DDAH1: variants seen among roughly 807,000 people sequenced by gnomAD.
The protein encoded by DDAH1 is dimethylarginine dimethylaminohydrolase 1.
Under a neutral mutation model 28.8 loss-of-function variants are expected in DDAH1, and 19 were observed. That is an observed-to-expected ratio of 0.66 (90% CI 0.46 to 0.97). The LOEUF is 0.97. Among genes scored for constraint, DDAH1 ranks in the 50% least tolerant of loss-of-function variants. DDAH1 has a pLI of 0.00. For synonymous variants in DDAH1, 153 were observed against 154.4 expected, an observed-to-expected ratio of 0.99 and a Z score of 0.07; for missense variants, 326 against 375.9, an observed-to-expected ratio of 0.87 and a Z score of 1.10.
intron 1 of DDAH1, among the ~76,000 whole-genome samples, chr1:85,362,439 T>C (rs1649844586): frequency 6.6e-6 from 1 of 152,186 alleles, no homozygotes; most frequent in African/African-American, 2.4e-5. Flanking sequence ...TCTTTCTCAA[T>C]GCCTGGTCTC....
chr1:85,546,139 A>C (rs1570663803), intron 1 of DDAH1, among the ~76,000 whole-genome samples: 1 of 152,110 alleles, frequency 6.6e-6, no homozygotes, highest in East Asian at 1.9e-4. Flanking sequence ...TCCAAAAAAA[A>C]AAAAACATGC....
intron 1 of DDAH1, among the ~76,000 whole-genome samples, chr1:85,431,420 C>T (rs1201530754): frequency 2.6e-5 from 4 of 152,170 alleles, no homozygotes; most frequent in Non-Finnish European, 5.9e-5. Flanking sequence ...AAACACTTCA[C>T]CTTCTTTGTC....
chr1:85,356,775 A>T (rs1392532235), intron 2 of DDAH1, among the ~76,000 whole-genome samples: 1 of 152,232 alleles, frequency 6.6e-6, no homozygotes, highest in Non-Finnish European at 1.5e-5. Context: ...CTTAGTACCT[A>T]CTTTGAAGAT....
chr1:85,530,336 A>G (rs1387040049), intron 1 of DDAH1, among the ~76,000 whole-genome samples: 3 of 152,194 alleles, frequency 2.0e-5, no homozygotes, highest in Non-Finnish European at 2.9e-5. Flanking sequence ...TGCAAATGGC[A>G]CTTGCCGTCA....
intron 1 of DDAH1, among the ~76,000 whole-genome samples, chr1:85,375,632 TCCTTTATA>T: frequency 6.6e-6 from 1 of 152,234 alleles, no homozygotes; most frequent in South Asian, 2.1e-4. Context: ...TGCATTCCTT[TCCTTTATA>T]CCAACTTGCC....
At chr1:85,518,456 C>A (rs1268178201) in intron 1 of DDAH1, among the ~76,000 whole-genome samples, 1 of 152,182 alleles carries the variant, frequency 6.6e-6, no homozygotes, top group African/African-American at 2.4e-5. Flanking sequence ...TCTTTCCTTG[C>A]TGACTATTAG....
chr1:85,556,072 C>T (rs967547445), intron 1 of DDAH1, among the ~76,000 whole-genome samples: 2 of 151,890 alleles, frequency 1.3e-5, no homozygotes, highest in South Asian at 2.1e-4. Context: ...CCACCACCAC[C>T]GCCGCCGCCT....
intron 1 of DDAH1, among the ~76,000 whole-genome samples, chr1:85,526,079 G>C (rs1477162909): frequency 6.6e-6 from 1 of 152,112 alleles, no homozygotes; most frequent in Non-Finnish European, 1.5e-5. Flanking sequence ...AAGGCTGTCT[G>C]GTTAAATGGA....
At chr1:85,511,116 C>A (rs1340827232) in intron 1 of DDAH1, among the ~76,000 whole-genome samples, 2 of 152,176 alleles carry the variant, frequency 1.3e-5, no homozygotes, top group African/African-American at 4.8e-5. Flanking sequence ...TGCTCCTCAG[C>A]AAATATGAAA....
At chr1:85,366,106 A>C (rs987848837) in intron 1 of DDAH1, among the ~76,000 whole-genome samples, 3 of 151,952 alleles carry the variant, frequency 2.0e-5, no homozygotes, top group South Asian at 4.1e-4. Flanking sequence ...GTAAAAAAAA[A>C]AAAAACAAAA....
At position 85,352,649 on chromosome 1, in the gene DDAH1, T is replaced by A. The variant is rs146615609; in HGVS notation, c.404-1070A>T. Among the ~76,000 whole-genome samples the A allele has an allele frequency of 3.6e-3, 542 of 152,248 alleles. 2 individuals carry two copies. Among genetic ancestry groups the A allele is most frequent in the African/African-American group, 0.012 (517 of 41,548 alleles). ...GGCAATTATCTTGTTTTTATTAATT[T>A]AAAAAAATGTGCATATGGCTGACAT... On this transcript the variant is annotated intron_variant, in intron 2 of 5. Transcript: ENST00000284031.
At chr1:85,345,469 A>G (rs1434273807) in intron 4 of DDAH1, among the ~76,000 whole-genome samples, 1 of 152,212 alleles carries the variant, frequency 6.6e-6, no homozygotes, top group African/African-American at 2.4e-5. Flanking sequence ...ACTTGCTGTT[A>G]AATATCTAGC....
intron 1 of DDAH1, among the ~76,000 whole-genome samples, chr1:85,560,230 T>A (rs1256291771): frequency 6.6e-6 from 1 of 152,054 alleles, no homozygotes; most frequent in Non-Finnish European, 1.5e-5. Context: ...GAAAAAATAT[T>A]CTGCCTAAAT....
chr1:85,512,560 G>A (rs1362780001), intron 1 of DDAH1, among the ~76,000 whole-genome samples: 1 of 152,184 alleles, frequency 6.6e-6, no homozygotes, highest in Non-Finnish European at 1.5e-5. Context: ...AAGTCAAATT[G>A]TTCCTGTTTG....
intron 1 of DDAH1, among the ~76,000 whole-genome samples, chr1:85,425,820 A>G (rs1653367730): frequency 6.6e-6 from 1 of 152,196 alleles, no homozygotes; most frequent in Admixed American, 6.5e-5. Context: ...ACCTTGTATT[A>G]GCTGAGTGAC....
chr1:85,479,485 T>C (rs979632244), intron 2 of DDAH1, among the ~76,000 whole-genome samples: 1 of 152,226 alleles, frequency 6.6e-6, no homozygotes, highest in Non-Finnish European at 1.5e-5. Context: ...GTTTTTCTTT[T>C]ATAAAGACAC....
intron 1 of DDAH1, among the ~76,000 whole-genome samples, chr1:85,553,415 A>G (rs1658858513): frequency 6.6e-6 from 1 of 152,356 alleles, no homozygotes; most frequent in African/African-American, 2.4e-5. Flanking sequence ...AAAGAGTCAA[A>G]ATCACTGTTC....
intron 1 of DDAH1, among the ~76,000 whole-genome samples, chr1:85,415,048 A>T: frequency 9.1e-6 from 1 of 110,346 alleles, no homozygotes; most frequent in Admixed American, 1.5e-4. Context: ...GGAGTCTCGC[A>T]CTGTCACCCA....
chr1:85,510,588 C>T (rs569215636), intron 1 of DDAH1, among the ~76,000 whole-genome samples: 32 of 152,222 alleles, frequency 2.1e-4, no homozygotes, highest in African/African-American at 7.2e-4. Context: ...CATCAGGGTG[C>T]TGTATTCAGG....
Sources: allele counts gnomAD v4.1 joint callset (sites outside exome capture counted in the v4.1 genomes callset), GRCh38; gene constraint gnomAD v4.1.1; transcripts MANE v1.5; gene names NCBI Gene and HGNC (gene_info 2026-07-23, HGNC 2026-07-21).